The following CENPW variants were observed in gnomAD, a reference collection of about 807,000 sequenced individuals.
CENPW encodes cancer-up-regulated gene 2 protein.
CENPW carries 3 observed loss-of-function variants against 11.1 expected under a neutral mutation model. The ratio of observed to expected loss-of-function variants is 0.27; its 90% confidence interval spans 0.12 to 0.70. CENPW has a LOEUF of 0.70. CENPW is among the 30% of genes least tolerant of loss of function. CENPW has a pLI of 0.77. For missense variants in CENPW, 100 were observed against 105.6 expected, an observed-to-expected ratio of 0.95 and a Z score of 0.23; for synonymous variants, 38 against 42.0, an observed-to-expected ratio of 0.91 and a Z score of 0.37.
chr6:126,360,611 TGTTA>T, the CENPW span, among the ~76,000 whole-genome samples: 1 of 152,186 alleles, frequency 6.6e-6, no homozygotes, highest in Non-Finnish European at 1.5e-5. Context: ...TCAGAGATTT[TGTTA>T]ATTTTTTTAA....
the CENPW span, among the ~76,000 whole-genome samples, chr6:126,401,565 A>T: frequency 2.6e-5 from 4 of 151,822 alleles, no homozygotes; most frequent in Non-Finnish European, 5.9e-5. Flanking sequence ...ACAGGAGCAG[A>T]GGAATTTTTT....
the CENPW span, among the ~76,000 whole-genome samples, chr6:126,355,968 A>G: frequency 6.6e-6 from 1 of 152,184 alleles, no homozygotes; most frequent in East Asian, 1.9e-4. Flanking sequence ...TAATACATCC[A>G]TTACTTTACT....
In CENPW at chr6:126,340,158, T is replaced by A; in HGVS notation, c.-116T>A. 2 of 963,938 alleles carry A rather than the reference T, an allele frequency of 2.1e-6. No individual in the cohort carries two copies. The highest frequency in any genetic ancestry group is 3.2e-6 in the Non-Finnish European group (2 of 629,266). 59.7% of individuals were successfully genotyped at this position (963,938 alleles called of 1,614,324 possible). A position where few individuals can be genotyped will look rare whatever the true frequency, so the allele number is the denominator to read the frequency against. Reference sequence around the variant, plus strand: ...TCGAACGTTCGGACTGAGGTTTTTCTGCCTGAAGAAGCGTCATACGGACCG... The same window carrying A: ...TCGAACGTTCGGACTGAGGTTTTTCAGCCTGAAGAAGCGTCATACGGACCG... On this transcript the variant is annotated 5_prime_UTR_variant, in exon 1 of 3. Coordinates refer to ENST00000368328, the MANE Select transcript of CENPW (RefSeq NM_001012507.4).
At chr6:126,464,851 A>G in the CENPW span, among the ~76,000 whole-genome samples, 1 of 152,172 alleles carries the variant, frequency 6.6e-6, no homozygotes, top group Admixed American at 6.6e-5. Flanking sequence ...CATTAGTTCT[A>G]TCCCTGTAGA....
chr6:126,405,732 G>C, the CENPW span, among the ~76,000 whole-genome samples: 3 of 151,828 alleles, frequency 2.0e-5, no homozygotes, highest in Admixed American at 6.6e-5. Flanking sequence ...TTAATTGTCT[G>C]TTACTAAGTT....
the CENPW span, among the ~76,000 whole-genome samples, chr6:126,412,964 G>A: frequency 6.6e-6 from 1 of 152,020 alleles, no homozygotes; most frequent in African/African-American, 2.4e-5. Context: ...CTATGATTTA[G>A]TAGATTTTCT....
At chr6:126,476,340 C>A in the CENPW span, among the ~76,000 whole-genome samples, 1 of 151,804 alleles carries the variant, frequency 6.6e-6, no homozygotes, top group African/African-American at 2.4e-5. Flanking sequence ...GATTAGTATG[C>A]CCTCTAGCTT....
the CENPW span, among the ~76,000 whole-genome samples, chr6:126,428,633 C>T: frequency 6.6e-6 from 1 of 152,306 alleles, no homozygotes; most frequent in East Asian, 1.9e-4. Flanking sequence ...AGTAACTTCA[C>T]ACTACAAGTG....
At chr6:126,401,587 T>C in the CENPW span, among the ~76,000 whole-genome samples, 1 of 151,978 alleles carries the variant, frequency 6.6e-6, no homozygotes, top group African/African-American at 2.4e-5. Context: ...TTCACTTGCC[T>C]TGCTCTATTG....
chr6:126,340,507 C>A (rs1041166529), intron 1 of CENPW, 108 bp downstream of exon 1: 2 of 1,536,018 alleles, frequency 1.3e-6, no homozygotes, highest in South Asian at 1.1e-5. Flanking sequence ...CTCTTTCAGG[C>A]CCCTGTTTAA....
chr6:126,430,378 T>A, the CENPW span, among the ~76,000 whole-genome samples: 1 of 152,198 alleles, frequency 6.6e-6, no homozygotes, highest in Non-Finnish European at 1.5e-5. Flanking sequence ...AAACTTTAAT[T>A]TAGTATATAA....
At chr6:126,438,691 A>G in the CENPW span, among the ~76,000 whole-genome samples, 1 of 151,732 alleles carries the variant, frequency 6.6e-6, no homozygotes, top group Non-Finnish European at 1.5e-5. Flanking sequence ...TGCAATAGAT[A>G]CACCCCAGAT....
the CENPW span, among the ~76,000 whole-genome samples, chr6:126,448,380 C>T: frequency 6.6e-6 from 1 of 151,022 alleles, no homozygotes; most frequent in South Asian, 2.1e-4. Context: ...TGTGGGCTTT[C>T]AAAAGTACTG....
chr6:126,351,978 A>C (rs1780496487), downstream of CENPW, among the ~76,000 whole-genome samples: 1 of 152,098 alleles, frequency 6.6e-6, no homozygotes. Flanking sequence ...AATCACCTGG[A>C]AGATTTGTTA....
the CENPW span, among the ~76,000 whole-genome samples, chr6:126,398,062 T>C: frequency 2.6e-5 from 4 of 152,172 alleles, no homozygotes; most frequent in Non-Finnish European, 5.9e-5. Flanking sequence ...GCATTCCAGT[T>C]TTTCTCAGAC....
chr6:126,395,738 G>T, the CENPW span, among the ~76,000 whole-genome samples: 8 of 152,282 alleles, frequency 5.3e-5, no homozygotes, highest in East Asian at 7.7e-4. Flanking sequence ...TGCTGTATCT[G>T]CATCAGGAGG....
rs563416347 is a variant in CENPW, at chr6:126,340,962, C to T, written c.126+563C>T. 7.6e-4 allele frequency among the ~76,000 whole-genome samples: 116 copies of T among 152,158 alleles called. 1 individual carries two copies. The highest frequency in any genetic ancestry group is 2.7e-3 in the African/African-American group (112 of 41,504). On this transcript the variant is annotated intron_variant, in intron 1 of 2. Transcript: ENST00000368328. ...TAGGTGAGGGTGCTTACTAAAGGAC[C>T]CTGATGGGAAAGTTTATTTGTAGGA...
At chr6:126,478,865 G>C in the CENPW span, among the ~76,000 whole-genome samples, 1 of 151,972 alleles carries the variant, frequency 6.6e-6, no homozygotes, top group Non-Finnish European at 1.5e-5. Flanking sequence ...GAGTTCTCCT[G>C]TTTCAGAGTT....
the CENPW span, among the ~76,000 whole-genome samples, chr6:126,481,193 A>G: frequency 2.0e-5 from 3 of 151,986 alleles, no homozygotes; most frequent in Non-Finnish European, 2.9e-5. Flanking sequence ...TTGAATATCT[A>G]GTTTCAGATT....
Sources: allele counts gnomAD v4.1 joint callset (sites outside exome capture counted in the v4.1 genomes callset), GRCh38; gene constraint gnomAD v4.1.1; transcripts MANE v1.5; gene names NCBI Gene and HGNC (gene_info 2026-07-23, HGNC 2026-07-21).